Variants in FZD3 observed in about 807,000 individuals in gnomAD.
FZD3 encodes frizzled class receptor 3.
In FZD3, 30 loss-of-function variants were observed where a neutral mutation model predicts 60.7. The ratio of observed to expected loss-of-function variants is 0.49; its 90% CI spans 0.37 to 0.67. The LOEUF (loss-of-function observed/expected upper bound fraction) is 0.67, where lower values mean the gene tolerates loss of function less well. Ranked by LOEUF, FZD3 falls within the 30% of genes least tolerant of loss-of-function variation. The pLI is 0.00. For missense variants in FZD3, 605 were observed against 838.7 expected, an observed-to-expected ratio of 0.72 and a Z score of 3.44; for synonymous variants, 246 against 275.2, an observed-to-expected ratio of 0.89 and a Z score of 1.05.
At position 28,551,383 on chromosome 8, in the gene FZD3, A is replaced by G. The variant is rs115404226; in HGVS notation, c.1405-220A>G. On this transcript the variant is annotated intron_variant, in intron 5 of 7. Transcript: ENST00000240093. Reference sequence around the variant, plus strand: ...ACAAAAATTACCTGGGCATATTGGCATATACCTGTAATCCTAGCTACTTGG... The same window carrying G: ...ACAAAAATTACCTGGGCATATTGGCGTATACCTGTAATCCTAGCTACTTGG... 8.5e-3 allele frequency among the ~76,000 whole-genome samples: 1,301 copies of G among 152,228 alleles called. 20 individuals are homozygous for G. The highest frequency in any genetic ancestry group is 0.03 in the African/African-American group (1,229 of 41,538).
At chr8:28,524,419 G>C (rs1157203581) in intron 4 of FZD3, among the ~76,000 whole-genome samples, 1 of 152,056 alleles carries the variant, frequency 6.6e-6, no homozygotes, top group African/African-American at 2.4e-5. Context: ...CACTTGTCTT[G>C]GTCAGAAAAA....
rs944770329 is a variant in FZD3 at position 28,551,736 on chromosome 8, G to C, written c.1538G>C (p.Gly513Ala). 1 of 1,602,974 alleles carries C rather than the reference G, an allele frequency of 6.2e-7. No individual in the cohort carries two copies. Residue 513 changes from glycine (G) to alanine (A), a missense_variant, in exon 6 of 8, where the codon GGT becomes GCT. Gly to Ala is a moderately conservative substitution (Grantham distance 60). Transcript: ENST00000240093. Reference sequence around the variant, plus strand: ...TTTGAATGGGCCAGTTTTTTTCATGGTCGTAGGAAAAAAGAGTAAGTTGAA... The same window carrying C: ...TTTGAATGGGCCAGTTTTTTTCATGCTCGTAGGAAAAAAGAGTAAGTTGAA... Reference protein sequence around the residue: ...TCFEWASFFHGRRKKEIVNES... With the variant: ...TCFEWASFFHARRKKEIVNES...
chr8:28,494,605 A>C (rs1296955230), intron 1 of FZD3, among the ~76,000 whole-genome samples: 1 of 151,680 alleles, frequency 6.6e-6, no homozygotes, highest in Admixed American at 6.6e-5. Context: ...GGGGACGCCT[A>C]GTTTGAGGCT....
At chr8:28,506,769 C>A (rs1420997641) in intron 3 of FZD3, among the ~76,000 whole-genome samples, 1 of 152,164 alleles carries the variant, frequency 6.6e-6, no homozygotes, top group African/African-American at 2.4e-5. Flanking sequence ...CCTGAACATC[C>A]TGTATCTTTT....
At position 28,499,982 on chromosome 8, in the gene FZD3, A is replaced by G. The variant is rs947628481; in HGVS notation, c.-345+4A>G. Reference sequence around the variant, plus strand: ...TATGGAGCACTTGTAACCTGAGGTAATCATTAGAATGCATATCATTCTCCA... The same window carrying G: ...TATGGAGCACTTGTAACCTGAGGTAGTCATTAGAATGCATATCATTCTCCA... On this transcript the variant is annotated splice_donor_region_variant and intron_variant, in intron 2 of 7. Coordinates refer to ENST00000240093, the MANE Select transcript of FZD3 (RefSeq NM_017412.4). 4 of 152,188 alleles carry G rather than the reference A, an allele frequency of 2.6e-5. No individual in the cohort carries two copies. The East Asian group carries it at 7.7e-4, about 29-fold the overall frequency. The allele number at this position is 152,188 out of a possible 1,614,324, so 9.4% of individuals were successfully genotyped here. A position where few individuals can be genotyped will look rare whatever the true frequency, so the allele number is the denominator to read the frequency against.
chr8:28,564,183 T>C lies in FZD3; in HGVS notation c.*1172T>C, dbSNP rs183180544. The C allele has an allele frequency of 3.3e-5, 5 of 152,738 alleles. No homozygotes were observed. The highest frequency in any genetic ancestry group is 3.3e-4 in the Admixed American group (5 of 15,304). The allele number at this position is 152,738 out of a possible 1,614,324, so 9.5% of individuals were successfully genotyped here. On this transcript the variant is annotated 3_prime_UTR_variant, in exon 8 of 8. Coordinates refer to ENST00000240093, the MANE Select transcript of FZD3 (RefSeq NM_017412.4). ...AAATGAAGCATGATTAGTCTTAGTA[T>C]GAATATCATTTAATCTTTAAAAAAT...
chr8:28,519,929 G>T (rs778961064), intron 3 of FZD3, among the ~76,000 whole-genome samples: 1 of 151,974 alleles, frequency 6.6e-6, no homozygotes, highest in South Asian at 2.1e-4. Flanking sequence ...CTTAAAGGAG[G>T]CCAGGTGTGG....
At chr8:28,546,969 C>CA (rs1242110166) in intron 5 of FZD3, among the ~76,000 whole-genome samples, 2,475 of 76,266 alleles carry the variant, frequency 0.032, 54 homozygotes, top group African/African-American at 0.074. Context: ...GACTCCGTCT[C>CA]AAAAAAAAAA....
intron 1 of FZD3, among the ~76,000 whole-genome samples, chr8:28,498,673 G>A (rs922583725): frequency 1.3e-5 from 2 of 152,190 alleles, no homozygotes; most frequent in African/African-American, 4.8e-5. Context: ...CACCTCTCAT[G>A]TTGAAGCAAT....
At position 28,564,232 on chromosome 8, in the gene FZD3, A is replaced by C. The variant is rs1475482749; in HGVS notation, c.*1221A>C. ...ATCAAGTAAAAATGTTTATCTGATA[A>C]TGTTTAAATAATTTACAATATAAAC... On this transcript the variant is annotated 3_prime_UTR_variant, in exon 8 of 8. Transcript: ENST00000240093. 1 of 152,338 alleles carries C rather than the reference A, an allele frequency of 6.6e-6. No individual in the cohort carries two copies. Among genetic ancestry groups the C allele is most frequent in the Non-Finnish European group, 1.5e-5 (1 of 68,028 alleles). 9.4% of individuals were successfully genotyped at this position (152,338 alleles called of 1,614,324 possible).
rs140683198 is a variant in FZD3 at position 28,543,267 on chromosome 8, A to G, written c.1405-8336A>G. Among the ~76,000 whole-genome samples the G allele has an allele frequency of 2.0e-5, 3 of 152,220 alleles. No homozygotes were observed. The East Asian group carries it at 5.8e-4, about 29-fold the overall frequency. ...TACGTAAGTCACCTCTTTACAAATA[A>G]TTATTTTTCTTCAGTTAGTCCTTGT... On this transcript the variant is annotated intron_variant, in intron 5 of 7. Transcript: ENST00000240093.
Position 28,555,888 on chromosome 8 carries a change from G to A in FZD3, c.1704G>A (p.Val568=), listed in dbSNP as rs77430396. Residue 568 remains valine (V), a synonymous_variant, in exon 7 of 8, where the codon GTG becomes GTA. Transcript: ENST00000240093. ...CTTCTTCAACTCAGCTGGCTATGGT[G>A]GATGATCAAAGAAGCAAAGCAGGAA... The part of the protein sequence containing the change: ...THASSTQLAM[V]DDQRSKAGSI... 5.6e-6 allele frequency: 9 copies of A among 1,613,956 alleles called. No individual in the cohort carries two copies. The East Asian group carries it at 1.8e-4, about 32-fold the overall frequency.
intron 4 of FZD3, among the ~76,000 whole-genome samples, chr8:28,523,040 G>A (rs1260524337): frequency 6.6e-6 from 1 of 152,146 alleles, no homozygotes; most frequent in Admixed American, 6.5e-5. Context: ...AAAGTGCTGG[G>A]ATTACAGGCG....
chr8:28,517,529 C>T (rs896364681), intron 3 of FZD3, among the ~76,000 whole-genome samples: 3 of 152,156 alleles, frequency 2.0e-5, no homozygotes, highest in Non-Finnish European at 2.9e-5. Context: ...CTGCCCCGTT[C>T]TTACTGATCT....
At chr8:28,537,817 T>C (rs1805056085) in intron 5 of FZD3, among the ~76,000 whole-genome samples, 1 of 152,150 alleles carries the variant, frequency 6.6e-6, no homozygotes, top group East Asian at 1.9e-4. Flanking sequence ...CATAATAGTA[T>C]TAAACATATT....
intron 3 of FZD3, among the ~76,000 whole-genome samples, chr8:28,511,875 C>T (rs6985129): frequency 0.61 from 93,408 of 151,976 alleles, 29,004 homozygotes; most frequent in African/African-American, 0.68. Context: ...TTTGTATGCC[C>T]AGTACCCGAC....
In FZD3 at chr8:28,502,907, T is replaced by G; in HGVS notation, c.-107T>G. On this transcript the variant is annotated 5_prime_UTR_variant, in exon 3 of 8. Transcript: ENST00000240093. ...TTTAACTGTTTGAAGAATTTAACAG[T>G]AAGATACAGAAGAAGTACCTTCGAG... 2 of 675,228 alleles carry G rather than the reference T, an allele frequency of 3.0e-6. No individual in the cohort carries two copies. Among genetic ancestry groups the G allele is most frequent in the Non-Finnish European group, 5.1e-6 (2 of 394,254 alleles). The allele number at this position is 675,228 out of a possible 1,614,324, so 41.8% of individuals were successfully genotyped here.
In FZD3 at chr8:28,571,139, T is replaced by G. The variant is rs978147244; in HGVS notation, c.*8128T>G. 4.6e-5 allele frequency: 7 copies of G among 152,198 alleles called. No homozygotes were observed. The highest frequency in any genetic ancestry group is 1.7e-4 in the African/African-American group (7 of 41,468). 9.4% of individuals were successfully genotyped at this position (152,198 alleles called of 1,614,324 possible). On this transcript the variant is annotated 3_prime_UTR_variant, in exon 8 of 8. Transcript: ENST00000240093. ...TTCAAATATTTCATTTAATATTTTC[T>G]GGGTTTTGATAATGGGATATTCTGT...
At position 28,527,113 on chromosome 8, in the gene FZD3, G is replaced by C. The variant is rs773186976; in HGVS notation, c.387-34G>C. ...TAGATCGTGATAGATTTCCCCATAAGTAAAAATAGTTCTCATCTTGTTTTG... is the reference window on the plus strand; with the variant it reads ...TAGATCGTGATAGATTTCCCCATAACTAAAAATAGTTCTCATCTTGTTTTG... On this transcript the variant is annotated intron_variant, in intron 4 of 7. Coordinates refer to ENST00000240093, the MANE Select transcript of FZD3 (RefSeq NM_017412.4). This position sits in a 1 kb window ranked among gnomAD's most constrained non-coding sequence, Gnocchi z 5.0. 2 of 1,551,594 alleles carry C rather than the reference G, an allele frequency of 1.3e-6. No homozygotes were observed. The highest frequency in any genetic ancestry group is 1.7e-6 in the Non-Finnish European group (2 of 1,146,048).
Sources: gnomAD v4.1 joint callset for allele counts (sites outside exome capture counted in the v4.1 genomes callset) on GRCh38, gnomAD v4.1.1 for gene constraint, Gnocchi (gnomAD v3.1) non-coding constraint, MANE v1.5 for transcripts, NCBI Gene and HGNC (gene_info 2026-07-23, HGNC 2026-07-21) for gene names.